Variants in ERAP1 observed in about 807,000 individuals in gnomAD.
ERAP1 encodes the protein endoplasmic reticulum aminopeptidase 1.
ERAP1 carries 86 observed loss-of-function variants against 103.7 expected under a neutral mutation model. That is an observed-to-expected ratio of 0.83 (90% CI 0.70 to 0.99). The LOEUF is 0.99. ERAP1 is among the 50% of genes least tolerant of loss of function. ERAP1 has a pLI of 0.00. For synonymous variants in ERAP1, 398 were observed against 402.4 expected, an observed-to-expected ratio of 0.99 and a Z score of 0.13; for missense variants, 1,009 against 1,128.4, an observed-to-expected ratio of 0.89 and a Z score of 1.52.
At chr5:96,915,630 T>C in the ERAP1 span, 76 of 984,692 alleles carry the variant, frequency 7.7e-5, no homozygotes, top group Non-Finnish European at 1.0e-4. Flanking sequence ...ATACATGATA[T>C]AATAAACATA....
At chr5:96,900,610 G>A in the ERAP1 span, among the ~76,000 whole-genome samples, 7 of 151,866 alleles carry the variant, frequency 4.6e-5, no homozygotes, top group African/African-American at 1.7e-4. Context: ...TCATCACAGG[G>A]GAAGAAAGGA....
chr5:96,895,275 G>T, the ERAP1 span: 2 of 1,612,476 alleles, frequency 1.2e-6, no homozygotes, highest in Non-Finnish European at 1.7e-6. Context: ...CAATGGAATG[G>T]TGGAATGATA....
chr5:96,880,227 A>G, the ERAP1 span: 1 of 1,613,966 alleles, frequency 6.2e-7, no homozygotes, highest in East Asian at 2.2e-5. Flanking sequence ...GGGTTTTATA[A>G]AAGCACATAC....
chr5:96,783,026 A>T (rs372242360), intron 15 of ERAP1, 25 bp downstream of exon 15: 2 of 1,612,792 alleles, frequency 1.2e-6, no homozygotes, highest in Middle Eastern at 1.7e-4. Context: ...CACATCAACA[A>T]ATTGGTTATT....
the ERAP1 span, among the ~76,000 whole-genome samples, chr5:96,858,422 C>T: frequency 6.6e-6 from 1 of 152,058 alleles, no homozygotes; most frequent in Non-Finnish European, 1.5e-5. Flanking sequence ...ACCATGTTGG[C>T]CAGGCCTCAA....
At chr5:96,924,598 A>AT in the ERAP1 span, among the ~76,000 whole-genome samples, 5,984 of 144,806 alleles carry the variant, frequency 0.041, 352 homozygotes, top group African/African-American at 0.14. Flanking sequence ...GGGCTAACAG[A>AT]TTTTTTTTTT....
the ERAP1 span, among the ~76,000 whole-genome samples, chr5:96,911,714 A>G: frequency 6.6e-6 from 1 of 151,730 alleles, no homozygotes; most frequent in Admixed American, 6.6e-5. Flanking sequence ...TCTACAAAAA[A>G]ATTTAAAAAT....
chr5:96,918,529 C>A, the ERAP1 span: 1 of 152,026 alleles, frequency 6.6e-6, no homozygotes, highest in Non-Finnish European at 1.5e-5. Flanking sequence ...GAGAGCATTC[C>A]AAATGAATGG....
At chr5:96,798,587 T>TTTG (rs972012970) in intron 3 of ERAP1, among the ~76,000 whole-genome samples, 1 of 148,052 alleles carries the variant, frequency 6.8e-6, no homozygotes. Flanking sequence ...TCATCTTTTT[T>TTTG]TTTTGTTTTG....
At chr5:96,789,649 C>T (rs1776501734) in intron 10 of ERAP1, among the ~76,000 whole-genome samples, 1 of 152,160 alleles carries the variant, frequency 6.6e-6, no homozygotes, top group Non-Finnish European at 1.5e-5. Context: ...CCTCAGCTTC[C>T]TCTGAAAACA....
At chr5:96,919,958 A>T in the ERAP1 span, among the ~76,000 whole-genome samples, 1 of 152,232 alleles carries the variant, frequency 6.6e-6, no homozygotes, top group East Asian at 1.9e-4. Flanking sequence ...GAAATCTTTC[A>T]GATTATGAAA....
chr5:96,826,669 G>A, the ERAP1 span, among the ~76,000 whole-genome samples: 5 of 152,122 alleles, frequency 3.3e-5, no homozygotes, highest in Non-Finnish European at 5.9e-5. Flanking sequence ...GCCAGCACAC[G>A]ACTTCCTAAC....
At position 96,775,466 on chromosome 5, in the gene ERAP1, T is replaced by C. The variant is rs1051445616; in HGVS notation, c.*930A>G. On this transcript the variant is annotated 3_prime_UTR_variant, in exon 19 of 19. Coordinates refer to ENST00000443439, the MANE Select transcript of ERAP1 (RefSeq NM_001040458.3). ...AAATCACCTCCCTAAGAAAAGGGTT[T>C]TCCTACAGACTTGAATGCACTCTGC... 1 of 985,588 alleles carries C rather than the reference T, an allele frequency of 1.0e-6. No homozygotes were observed. The highest frequency in any genetic ancestry group is 4.7e-5 in the South Asian group (1 of 21,282). The allele number at this position is 985,588 out of a possible 1,614,324, so 61.1% of individuals were successfully genotyped here.
In ERAP1 at chr5:96,782,945, G is replaced by A. The variant is rs1198872369; in HGVS notation, c.2285+106C>T. 3.7e-6 allele frequency: 4 copies of A among 1,091,542 alleles called. No homozygotes were observed. In the African/African-American group the frequency reaches 4.6e-5, roughly 13 times the overall value. The allele number at this position is 1,091,542 out of a possible 1,614,324, so 67.6% of individuals were successfully genotyped here. On this transcript the variant is annotated intron_variant, in intron 15 of 18. Coordinates refer to ENST00000443439, the MANE Select transcript of ERAP1 (RefSeq NM_001040458.3). ...ATTTATTTTCCAGAAAAGGGCAGCA[G>A]GGGAGACACTTAAACTTTTTGTTTT...
At chr5:96,781,009 T>TA in intron 17 of ERAP1, 49 bp downstream of exon 17, 1 of 1,610,078 alleles carries the variant, frequency 6.2e-7, no homozygotes. Context: ...TAAAACACAG[T>TA]AAGGTTATGA....
Position 96,776,667 on chromosome 5 carries a change from G to C in ERAP1, c.2671-116C>G, listed in dbSNP as rs1774358880. On this transcript the variant is annotated intron_variant, in intron 18 of 18. Transcript: ENST00000443439. The stretch of plus-strand genomic sequence containing the variant: ...TTGTCAAAATTCTATATAGAAGGCA[G>C]TCCCAGCTGTCTGAATAGGATTATG... 56 of 1,421,904 alleles carry C rather than the reference G, an allele frequency of 3.9e-5. 2 individuals are homozygous for C. The South Asian group carries it at 6.7e-4, about 17-fold the overall frequency. 88.1% of individuals were successfully genotyped at this position (1,421,904 alleles called of 1,614,324 possible). A position where few individuals can be genotyped will look rare whatever the true frequency, so the allele number is the denominator to read the frequency against.
chr5:96,780,251 G>C (rs897082132), intron 18 of ERAP1, among the ~76,000 whole-genome samples, 172 bp downstream of exon 18: 3 of 152,204 alleles, frequency 2.0e-5, no homozygotes, highest in Non-Finnish European at 4.4e-5. Flanking sequence ...GTTTTCACTA[G>C]TTTAATTGCA....
At chr5:96,886,886 A>G in the ERAP1 span, 1 of 1,149,646 alleles carries the variant, frequency 8.7e-7, no homozygotes, top group South Asian at 3.2e-5. Context: ...TCAAAGTATT[A>G]TGTTTATATT....
chr5:96,879,927 T>C, the ERAP1 span: 1 of 1,614,164 alleles, frequency 6.2e-7, no homozygotes, highest in Non-Finnish European at 8.5e-7. Context: ...TATGACCTCT[T>C]TGTCCACCCC....
Sources: gnomAD v4.1 joint callset for allele counts (sites outside exome capture counted in the v4.1 genomes callset) on GRCh38, gnomAD v4.1.1 for gene constraint, MANE v1.5 for transcripts, NCBI Gene and HGNC (gene_info 2026-07-23, HGNC 2026-07-21) for gene names.